LYPD8: variants seen among roughly 807,000 people sequenced by gnomAD.
LYPD8 encodes the protein LY6/PLAUR domain containing 8, also known as ly6/PLAUR domain-containing protein 8.
LYPD8 carries 8 observed loss-of-function variants against 1.7 expected under a neutral mutation model. The observed-to-expected ratio is 4.58, with a 90% CI of 2.69 to 8.27. LYPD8 has a LOEUF of 8.27. Ranked by LOEUF, LYPD8 falls within the 30% of genes most tolerant of loss-of-function variation. LYPD8 has a pLI of 0.00. For missense variants in LYPD8, 112 were observed against 102.3 expected, an observed-to-expected ratio of 1.09 and a Z score of -0.41; for synonymous variants, 50 against 43.6, an observed-to-expected ratio of 1.15 and a Z score of -0.58.
At chr1:248,751,551 G>T (rs1572155909) in intron 2 of LYPD8, among the ~76,000 whole-genome samples, 1 of 152,094 alleles carries the variant, frequency 6.6e-6, no homozygotes, top group South Asian at 2.1e-4. Flanking sequence ...TAAGGGTTCT[G>T]TTGCTGCCAC....
At chr1:248,741,143 A>G (rs760608719) in intron 6 of LYPD8, among the ~76,000 whole-genome samples, 45 of 152,218 alleles carry the variant, frequency 3.0e-4, no homozygotes, top group Non-Finnish European at 8.8e-5. Flanking sequence ...GGCTGATTCT[A>G]AACTTGTTTG....
chr1:248,741,295 C>A (rs1553283307), intron 6 of LYPD8, among the ~76,000 whole-genome samples: 2 of 152,180 alleles, frequency 1.3e-5, no homozygotes, highest in Non-Finnish European at 2.9e-5. Context: ...AAGCCTCTGT[C>A]CCCCAGGTTC....
chr1:248,740,140 G>C (rs986553835), intron 6 of LYPD8, among the ~76,000 whole-genome samples: 2 of 152,232 alleles, frequency 1.3e-5, no homozygotes, highest in Non-Finnish European at 2.9e-5. Context: ...GTGAAGGTCA[G>C]AGCTGGACCT....
Position 248,752,644 on chromosome 1 carries a change from AACACACAACACACACC to A in LYPD8, c.-49-1530_-49-1515del, listed in dbSNP as rs1305151151. 7.7e-3 allele frequency among the ~76,000 whole-genome samples: 368 copies of A among 47,892 alleles called. 7 individuals carry two copies. The highest frequency in any genetic ancestry group is 0.018 in the African/African-American group (330 of 18,710). 31.4% of individuals were successfully genotyped at this position (47,892 alleles called of 152,430 possible). On this transcript the variant is annotated intron_variant, in intron 2 of 6. Transcript: ENST00000590317. ...CACACACACACCACACACCCCACAC[AACACACAACACACACC>A]ACACACACCACACCACACACACACC... is the stretch of plus-strand genomic sequence containing the variant.
intron 2 of LYPD8, among the ~76,000 whole-genome samples, chr1:248,752,974 C>CA (rs1662841956): frequency 8.2e-6 from 1 of 122,340 alleles, no homozygotes; most frequent in Non-Finnish European, 1.7e-5. Context: ...CCACACAACA[C>CA]ACACACAACA....
chr1:248,740,936 C>A (rs1553283274), intron 6 of LYPD8, among the ~76,000 whole-genome samples: 1 of 152,172 alleles, frequency 6.6e-6, no homozygotes, highest in African/African-American at 2.4e-5. Context: ...TGAGACCAGA[C>A]TGGGAAACAT....
chr1:248,753,000 C>T (rs1209566496), intron 2 of LYPD8, among the ~76,000 whole-genome samples: 1 of 37,122 alleles, frequency 2.7e-5, no homozygotes, highest in Non-Finnish European at 6.1e-5. Flanking sequence ...CACACACAAA[C>T]ACACCACATC....
chr1:248,749,166 C>T (rs1452710475), intron 4 of LYPD8, among the ~76,000 whole-genome samples: 3 of 152,140 alleles, frequency 2.0e-5, no homozygotes, highest in Admixed American at 2.0e-4. Context: ...GGACAAATGA[C>T]CCATTTCTCT....
intron 5 of LYPD8, among the ~76,000 whole-genome samples, chr1:248,746,527 A>G (rs1196919042): frequency 6.6e-6 from 1 of 152,202 alleles, no homozygotes; most frequent in Non-Finnish European, 1.5e-5. Flanking sequence ...CAGGGCTGAG[A>G]GGACACAGGA....
rs1572155016 is a variant in LYPD8, at chr1:248,748,556, A to C, written c.173-103T>G. The C allele has an allele frequency of 2.5e-5, 10 of 397,412 alleles. No homozygotes were observed. In the East Asian group the frequency reaches 3.6e-4, roughly 14 times the overall value. 24.6% of individuals were successfully genotyped at this position (397,412 alleles called of 1,614,324 possible). ...TGTTTCAGGCAAAGGCAGAAAATGC[A>C]ACCTCAGTATCATGCAGTTTTGAAG... On this transcript the variant is annotated intron_variant, in intron 4 of 6. Transcript: ENST00000590317.
chr1:248,742,256 G>A (rs1404314045), intron 6 of LYPD8, among the ~76,000 whole-genome samples: 65 of 98,888 alleles, frequency 6.6e-4, no homozygotes, highest in South Asian at 1.7e-3. Context: ...GCCGGGGGAG[G>A]TTACGCTCTG....
At chr1:248,743,000 G>A (rs1364097133) in intron 6 of LYPD8, among the ~76,000 whole-genome samples, 3 of 128,328 alleles carry the variant, frequency 2.3e-5, no homozygotes, top group Non-Finnish European at 4.8e-5. Context: ...GGGAGGTTAC[G>A]CTCTGGTGGG....
Position 248,753,350 on chromosome 1 carries a change from CA to C in LYPD8, c.-50+1888del, listed in dbSNP as rs1453794419. ...CACATCACACACACCACACACACCA[CA>C]CAACACACACATCACATACACACCA... On this transcript the variant is annotated intron_variant, in intron 2 of 6. Transcript: ENST00000590317. Among the ~76,000 whole-genome samples the C allele has an allele frequency of 4.3e-3, 588 of 135,922 alleles. 9 individuals are homozygous for C. Among genetic ancestry groups the C allele is most frequent in the African/African-American group, 0.016 (566 of 35,450 alleles). The allele number at this position is 135,922 out of a possible 152,430, so 89.2% of individuals were successfully genotyped here.
rs1055190744 is a variant in LYPD8 at position 248,745,031 on chromosome 1, C to T, written c.475+111G>A. ...TTAAAGACATTATGGCCCTTATCCC[C>T]CTTGTCCCACGACTCCCCTGGTCCT... On this transcript the variant is annotated intron_variant, in intron 6 of 6. Coordinates refer to ENST00000590317, the MANE Select transcript of LYPD8 (RefSeq NM_001085474.2). The T allele has an allele frequency of 4.6e-3, 1,833 of 394,674 alleles. 34 individuals carry two copies. Among genetic ancestry groups the T allele is most frequent in the Admixed American group, 0.043 (967 of 22,616 alleles). The allele number at this position is 394,674 out of a possible 1,614,324, so 24.4% of individuals were successfully genotyped here.
At chr1:248,753,180 A>AC (rs1662852618) in intron 2 of LYPD8, among the ~76,000 whole-genome samples, 1 of 110,564 alleles carries the variant, frequency 9.0e-6, no homozygotes, top group Non-Finnish European at 1.8e-5. Flanking sequence ...ACCACATCAC[A>AC]CACACACACC....
chr1:248,740,797 G>A (rs1662580996), intron 6 of LYPD8, among the ~76,000 whole-genome samples: 2 of 152,128 alleles, frequency 1.3e-5, no homozygotes, highest in Admixed American at 1.3e-4. Context: ...TTCAAGGCTG[G>A]CTCTAGGACC....
At chr1:248,751,473 C>G (rs981817979) in intron 2 of LYPD8, among the ~76,000 whole-genome samples, 1 of 151,958 alleles carries the variant, frequency 6.6e-6, no homozygotes. Flanking sequence ...GGGTCTGTGC[C>G]CCTCCCCTCC....
At chr1:248,743,772 C>A (rs527841668) in intron 6 of LYPD8, among the ~76,000 whole-genome samples, 1 of 152,288 alleles carries the variant, frequency 6.6e-6, no homozygotes, top group Admixed American at 6.5e-5. Flanking sequence ...CATAGAAACT[C>A]ACCTGCCTTC....
chr1:248,739,606 G>T lies in LYPD8; in HGVS notation c.*5C>A. ...GGGTGCTGGGCAAAGTGCAGCCCCA[G>T]GACCTCAGGGCAGCAGTCCCCGAAG... is the stretch of plus-strand genomic sequence containing the variant. On this transcript the variant is annotated 3_prime_UTR_variant, in exon 7 of 7. Coordinates refer to ENST00000590317, the MANE Select transcript of LYPD8 (RefSeq NM_001085474.2). This position sits in a 1 kb window ranked among gnomAD's most constrained non-coding sequence, Gnocchi z 4.3. The T allele has an allele frequency of 6.4e-7, 1 of 1,551,238 alleles. No homozygotes were observed. Among genetic ancestry groups the T allele is most frequent in the Non-Finnish European group, 8.7e-7 (1 of 1,146,986 alleles).
Sources: gnomAD v4.1 joint callset for allele counts (sites outside exome capture counted in the v4.1 genomes callset) on GRCh38, gnomAD v4.1.1 for gene constraint, Gnocchi (gnomAD v3.1) non-coding constraint, MANE v1.5 for transcripts, NCBI Gene and HGNC (gene_info 2026-07-23, HGNC 2026-07-21) for gene names.